IL19: variants seen among roughly 807,000 people sequenced by gnomAD.
IL19 encodes the protein interleukin 19, also known as interleukin-19.
IL19 carries 15 observed loss-of-function variants against 19.5 expected under a neutral mutation model. The ratio of observed to expected loss-of-function variants is 0.77; its 90% CI spans 0.52 to 1.19. The LOEUF (loss-of-function observed/expected upper bound fraction) is 1.19, where lower values mean the gene tolerates loss of function less well. Ranked by LOEUF, IL19 falls within the 50% of genes most tolerant of loss-of-function variation. The probability of loss-of-function intolerance (pLI) is 0.00; values close to 1 mark genes in which losing one functional copy is unlikely to be tolerated. For synonymous variants in IL19, 78 were observed against 78.3 expected (o/e 1.00, Z 0.02); for missense variants, 199 against 213.1 (o/e 0.93, Z 0.41).
intron 2 of IL19, among the ~76,000 whole-genome samples, chr1:206,831,991 G>T (rs1676622057): frequency 6.6e-6 from 1 of 152,260 alleles, no homozygotes; most frequent in Non-Finnish European, 1.5e-5. Context: ...CCCCTTACAT[G>T]TGCAGCTGGG....
At chr1:206,842,154 A>T (rs1677037633) in intron 6 of IL19, among the ~76,000 whole-genome samples, 1 of 152,208 alleles carries the variant, frequency 6.6e-6, no homozygotes, top group Non-Finnish European at 1.5e-5. Flanking sequence ...CACCTCAGGG[A>T]CAAAGATGTT....
intron 1 of IL19, among the ~76,000 whole-genome samples, chr1:206,792,644 A>T (rs1006946037): frequency 4.6e-5 from 7 of 152,072 alleles, no homozygotes; most frequent in African/African-American, 1.7e-4. Flanking sequence ...TTTAGTAGAG[A>T]CAGGGTTTCA....
chr1:206,831,183 A>C (rs1478652269), intron 2 of IL19, among the ~76,000 whole-genome samples: 1 of 152,186 alleles, frequency 6.6e-6, no homozygotes, highest in Non-Finnish European at 1.5e-5. Context: ...TGAAAAATTC[A>C]TGAGGTTGGA....
intron 1 of IL19, among the ~76,000 whole-genome samples, chr1:206,775,958 T>TG (rs1437110310): frequency 6.6e-6 from 1 of 152,226 alleles, no homozygotes; most frequent in Non-Finnish European, 1.5e-5. Context: ...GAGTCCAGTT[T>TG]GCCCTCAAGC....
chr1:206,809,858 A>G (rs552801532), intron 2 of IL19, among the ~76,000 whole-genome samples: 50 of 152,266 alleles, frequency 3.3e-4, no homozygotes, highest in Non-Finnish European at 1.3e-4. Context: ...CAGATTCATC[A>G]GTAGATTGCA....
intron 4 of IL19, 97 bp downstream of exon 4, chr1:206,837,120 C>A: frequency 1.0e-6 from 1 of 982,630 alleles, no homozygotes; most frequent in Non-Finnish European, 1.6e-6. Context: ...CTTCTCTTTC[C>A]TAATCTCCAA....
At chr1:206,797,359 G>T (rs1675549945) in intron 1 of IL19, among the ~76,000 whole-genome samples, 1 of 152,034 alleles carries the variant, frequency 6.6e-6, no homozygotes, top group Non-Finnish European at 1.5e-5. Context: ...ATCCTCCTAA[G>T]CAGACACATG....
intron 4 of IL19, 144 bp from the exon 5 acceptor site, chr1:206,839,706 A>G (rs1676934097): frequency 8.5e-6 from 6 of 706,250 alleles, no homozygotes; most frequent in Non-Finnish European, 9.9e-6. Context: ...ATAAGAGAGG[A>G]TGAACACTCT....
At chr1:206,783,881 T>C (rs889088981) in intron 1 of IL19, among the ~76,000 whole-genome samples, 1 of 152,188 alleles carries the variant, frequency 6.6e-6, no homozygotes, top group East Asian at 1.9e-4. Context: ...GCTGTCGTAG[T>C]GTTGCAAGGG....
chr1:206,841,127 A>T (rs2243188), intron 6 of IL19, 49 bp downstream of exon 6: 25 of 1,487,120 alleles, frequency 1.7e-5, no homozygotes, highest in East Asian at 2.3e-5. Context: ...GAGGTAGATC[A>T]GGAGGGTGCC....
At chr1:206,799,136 T>A (rs530388828) in intron 2 of IL19, 130 bp downstream of exon 2, 1 of 697,354 alleles carries the variant, frequency 1.4e-6, no homozygotes, top group Non-Finnish European at 2.5e-6. Context: ...TGCCTTTGTC[T>A]GTCATAAAGT....
intron 2 of IL19, among the ~76,000 whole-genome samples, chr1:206,827,647 T>C (rs1330380958): frequency 1.3e-5 from 2 of 150,426 alleles, no homozygotes; most frequent in Admixed American, 1.3e-4. Context: ...GCCGAGATCG[T>C]GCCACTGCAC....
chr1:206,818,817 C>CTT (rs11373916), intron 2 of IL19, among the ~76,000 whole-genome samples: 3,750 of 138,548 alleles, frequency 0.027, 91 homozygotes, highest in African/African-American at 0.056. Flanking sequence ...CTTTTTCTTT[C>CTT]TTTTTTTTTT....
intron 1 of IL19, among the ~76,000 whole-genome samples, chr1:206,787,296 A>G (rs1267441608): frequency 6.6e-6 from 1 of 152,210 alleles, no homozygotes; most frequent in African/African-American, 2.4e-5. Context: ...AAAATCCTCC[A>G]GTGCTTATGA....
intron 2 of IL19, among the ~76,000 whole-genome samples, chr1:206,827,879 G>A (rs1056618816): frequency 1.3e-5 from 2 of 152,210 alleles, no homozygotes; most frequent in African/African-American, 4.8e-5. Flanking sequence ...GTGTCTTTGG[G>A]TGAAGTACTT....
At chr1:206,819,456 T>C (rs11119629) in intron 2 of IL19, among the ~76,000 whole-genome samples, 134,059 of 151,740 alleles carry the variant, frequency 0.88, 59,346 homozygotes, top group South Asian at 0.92. Context: ...TGTTGGTGTG[T>C]GCCTGTAGTT....
chr1:206,816,163 C>G (rs1055404041), intron 2 of IL19, among the ~76,000 whole-genome samples: 1 of 152,108 alleles, frequency 6.6e-6, no homozygotes, highest in Admixed American at 6.5e-5. Context: ...GCATTGCCAG[C>G]AGACCTGCAC....
intron 1 of IL19, among the ~76,000 whole-genome samples, chr1:206,784,951 T>G (rs1675235186): frequency 6.6e-6 from 1 of 152,210 alleles, no homozygotes; most frequent in South Asian, 2.1e-4. Flanking sequence ...GAGGTGACCA[T>G]GGGATCCTGG....
In IL19 at chr1:206,770,874, A is replaced by C. The variant is rs750564052; in HGVS notation, c.-353A>C. On this transcript the variant is annotated 5_prime_UTR_variant, in exon 1 of 7. Coordinates refer to ENST00000659997, the MANE Select transcript of IL19 (RefSeq NM_153758.5). ...CTGTAGGAGATGGTATTTTGGGGGCAGCTGCAAGGGAAAAAACTGATCTGC... is the reference window on the plus strand; with the variant it reads ...CTGTAGGAGATGGTATTTTGGGGGCCGCTGCAAGGGAAAAAACTGATCTGC... The C allele has an allele frequency of 2.9e-5, 46 of 1,609,794 alleles. No individual in the cohort carries two copies. In the East Asian group the frequency reaches 9.6e-4, roughly 34 times the overall value.
Sources: allele counts gnomAD v4.1 joint callset (sites outside exome capture counted in the v4.1 genomes callset), GRCh38; gene constraint gnomAD v4.1.1; transcripts MANE v1.5; gene names NCBI Gene and HGNC (gene_info 2026-07-23, HGNC 2026-07-21).